The following NFXL1 variants were observed in gnomAD, a reference collection of about 807,000 sequenced individuals.
NFXL1 encodes the protein NF-X1-type zinc finger protein NFXL1.
NFXL1 carries 66 observed loss-of-function variants against 123.3 expected under a neutral mutation model. The observed-to-expected ratio is 0.54, with a 90% CI of 0.44 to 0.66. The LOEUF (loss-of-function observed/expected upper bound fraction) is 0.66. Among genes scored for constraint, NFXL1 ranks in the 30% least tolerant of loss-of-function variants. The pLI is 0.00. For missense variants in NFXL1, 944 were observed against 1,125.6 expected (o/e 0.84, Z 2.31); for synonymous variants, 346 against 360.8 (o/e 0.96, Z 0.46).
intron 19 of NFXL1, among the ~76,000 whole-genome samples, chr4:47,858,919 CAT>C (rs763088018): frequency 1.3e-5 from 2 of 152,068 alleles, no homozygotes; most frequent in African/African-American, 2.4e-5. Context: ...AAAATTAAAT[CAT>C]GTGATCATTT....
chr4:47,893,248 G>A (rs1736884337), intron 11 of NFXL1, among the ~76,000 whole-genome samples: 1 of 151,854 alleles, frequency 6.6e-6, no homozygotes, highest in Non-Finnish European at 1.5e-5. Flanking sequence ...AGTCTCAGAA[G>A]GTGACGGGTA....
intron 9 of NFXL1, among the ~76,000 whole-genome samples, chr4:47,897,718 C>G (rs1163701330): frequency 1.3e-5 from 2 of 151,990 alleles, no homozygotes; most frequent in African/African-American, 2.4e-5. Context: ...GTTTCCCTGC[C>G]CTGAAAATCT....
chr4:47,880,807 T>TAAAAAAAAAAAAAAAAAAAAAAAGAA (rs57880960), intron 15 of NFXL1, among the ~76,000 whole-genome samples: 2 of 78,818 alleles, frequency 2.5e-5, no homozygotes, highest in Non-Finnish European at 5.0e-5. Flanking sequence ...AATTAATGAG[T>TAAAAAAAAAAAAAAAAAAAAAAAGAA]AAAAAAAAAA....
At chr4:47,856,078 T>C (rs1378808727) in intron 19 of NFXL1, among the ~76,000 whole-genome samples, 1 of 152,118 alleles carries the variant, frequency 6.6e-6, no homozygotes, top group Non-Finnish European at 1.5e-5. Context: ...CTTCATATAT[T>C]TCTGTCTCTC....
In NFXL1 at chr4:47,850,865, T is replaced by C. The variant is rs1332873244; in HGVS notation, c.2562+230A>G. On this transcript the variant is annotated intron_variant, in intron 22 of 22. Coordinates refer to ENST00000507489, the MANE Select transcript of NFXL1 (RefSeq NM_001278624.2). ...TGGATGATATTGGCAAGAAAGTAAA[T>C]TGGAAATACAAAAAAAAAATTTGGG... Among the ~76,000 whole-genome samples, 4 of 151,916 alleles carry C rather than the reference T, an allele frequency of 2.6e-5. No homozygotes were observed. The East Asian group carries it at 7.7e-4, about 29-fold the overall frequency.
chr4:47,906,727 C>G (rs1030616222), intron 3 of NFXL1, among the ~76,000 whole-genome samples: 4 of 152,128 alleles, frequency 2.6e-5, no homozygotes, highest in South Asian at 4.1e-4. Context: ...GAAGATAGAA[C>G]AGGCTTTTAC....
intron 15 of NFXL1, among the ~76,000 whole-genome samples, chr4:47,879,935 A>C (rs1735983957): frequency 6.6e-6 from 1 of 152,230 alleles, no homozygotes; most frequent in Non-Finnish European, 1.5e-5. Context: ...AATGAATCAC[A>C]GCTCTAAATG....
chr4:47,896,681 A>AT, intron 9 of NFXL1, 34 bp from the exon 10 acceptor site: 1 of 1,469,424 alleles, frequency 6.8e-7, no homozygotes, highest in Non-Finnish European at 9.5e-7. Context: ...GTTAATAATG[A>AT]GACATTATTA....
Position 47,914,174 on chromosome 4 carries a change from A to T in NFXL1, c.30T>A (p.Gly10=). 1 of 1,523,868 alleles carries T rather than the reference A, an allele frequency of 6.6e-7. No homozygotes were observed. The allele number at this position is 1,523,868 out of a possible 1,614,324, so 94.4% of individuals were successfully genotyped here. A position where few individuals can be genotyped will look rare whatever the true frequency, so the allele number is the denominator to read the frequency against. MEASWRQVA[G]GRGRSRGRAT... ...CCCGTCCCCGGGATCGGCCTCGGCCACCGGCCACCTGGCGCCAGGAAGCTT... is the reference window on the plus strand; with the variant it reads ...CCCGTCCCCGGGATCGGCCTCGGCCTCCGGCCACCTGGCGCCAGGAAGCTT... The change falls in exon 2 of 23, where the codon GGT becomes GGA. Residue 10 remains glycine, a synonymous_variant. Transcript: ENST00000507489.
chr4:47,875,507 T>A (rs114426971), intron 17 of NFXL1, among the ~76,000 whole-genome samples: 1 of 152,148 alleles, frequency 6.6e-6, no homozygotes, highest in South Asian at 2.1e-4. Flanking sequence ...TTCATATAGA[T>A]TTTTTTGCCT....
chr4:47,873,851 T>C (rs998901210), intron 18 of NFXL1, among the ~76,000 whole-genome samples: 1 of 152,248 alleles, frequency 6.6e-6, no homozygotes, highest in Non-Finnish European at 1.5e-5. Flanking sequence ...CTGTTTTGTC[T>C]ACATTGGAAA....
At chr4:47,897,816 A>G in intron 9 of NFXL1, 151 bp downstream of exon 9, 1 of 563,854 alleles carries the variant, frequency 1.8e-6, no homozygotes, top group Non-Finnish European at 3.1e-6. Flanking sequence ...AGAATGTCAT[A>G]TAGTTGGGGG....
At chr4:47,879,528 T>C (rs925613751) in intron 15 of NFXL1, among the ~76,000 whole-genome samples, 5 of 152,160 alleles carry the variant, frequency 3.3e-5, no homozygotes, top group Admixed American at 6.6e-5. Context: ...TCAACATGAT[T>C]CCAATCAAAA....
At chr4:47,870,966 A>T (rs1449442460) in intron 18 of NFXL1, among the ~76,000 whole-genome samples, 1 of 152,214 alleles carries the variant, frequency 6.6e-6, no homozygotes, top group Non-Finnish European at 1.5e-5. Flanking sequence ...CAAATAAAGA[A>T]TCCACTGGTT....
chr4:47,870,528 G>A (rs1308498486), intron 18 of NFXL1, among the ~76,000 whole-genome samples: 1 of 152,080 alleles, frequency 6.6e-6, no homozygotes, highest in Non-Finnish European at 1.5e-5. Context: ...GACTGGAGAT[G>A]TTAACCAATG....
chr4:47,861,062 T>C lies in NFXL1; in HGVS notation c.2316+1784A>G, dbSNP rs1196701712. Among the ~76,000 whole-genome samples the C allele has an allele frequency of 7.9e-5, 12 of 151,306 alleles. No individual in the cohort carries two copies. In the East Asian group the frequency reaches 2.3e-3, roughly 29 times the overall value. ...TTTTAGTAGAAACGGGGTTTCACCA[T>C]GTTAGCCAGGCTGGTCTCGAACTCC... On this transcript the variant is annotated intron_variant, in intron 19 of 22. Coordinates refer to ENST00000507489, the MANE Select transcript of NFXL1 (RefSeq NM_001278624.2).
chr4:47,867,811 G>A (rs547599012), intron 18 of NFXL1, among the ~76,000 whole-genome samples: 19 of 151,890 alleles, frequency 1.3e-4, no homozygotes, highest in African/African-American at 3.4e-4. Context: ...AGGAAAGAAC[G>A]CATCAATAAA....
chr4:47,878,801 ATCAAAATCAAAGTAACCTG>A, intron 16 of NFXL1, 136 bp from the exon 17 acceptor site: 1 of 599,040 alleles, frequency 1.7e-6, no homozygotes, highest in Admixed American at 3.7e-5. Context: ...TAATAATAAT[ATCAAAATCAAAGTAACCTG>A]TCAAAATATT....
At chr4:47,902,495 G>A (rs971081718) in intron 5 of NFXL1, among the ~76,000 whole-genome samples, 3 of 152,022 alleles carry the variant, frequency 2.0e-5, no homozygotes, top group Admixed American at 6.5e-5. Context: ...AGATTTGGGA[G>A]GATAAAACTG....
Sources: gnomAD v4.1 joint callset for allele counts (sites outside exome capture counted in the v4.1 genomes callset) on GRCh38, gnomAD v4.1.1 for gene constraint, MANE v1.5 for transcripts, NCBI Gene and HGNC (gene_info 2026-07-23, HGNC 2026-07-21) for gene names.